IL2RB: variants seen among roughly 807,000 people sequenced by gnomAD.
IL2RB encodes the protein interleukin-2 receptor subunit beta.
IL2RB carries 17 observed loss-of-function variants against 44.2 expected under a neutral mutation model. The observed-to-expected ratio is 0.38, with a 90% CI of 0.26 to 0.58. The LOEUF (loss-of-function observed/expected upper bound fraction) is 0.58, where lower values mean the gene tolerates loss of function less well. Among genes scored for constraint, IL2RB ranks in the 20% least tolerant of loss-of-function variants. The pLI, the probability that IL2RB is intolerant of heterozygous loss-of-function variation, is 0.63. For missense variants in IL2RB, 624 were observed against 685.5 expected (o/e 0.91, Z 1.00); for synonymous variants, 286 against 297.9 (o/e 0.96, Z 0.41).
At chr22:37,157,895 G>T (rs1441938401) in intron 1 of IL2RB, among the ~76,000 whole-genome samples, 1 of 152,228 alleles carries the variant, frequency 6.6e-6, no homozygotes, top group Non-Finnish European at 1.5e-5. Flanking sequence ...AATCAAAAGT[G>T]CTAAGTCCCT....
upstream of IL2RB, among the ~76,000 whole-genome samples, chr22:37,153,287 A>G (rs1468118928): frequency 6.6e-6 from 1 of 150,652 alleles, no homozygotes; most frequent in Non-Finnish European, 1.5e-5. Flanking sequence ...CAGCTCTGCA[A>G]ATGTGAGAAA....
chr22:37,157,061 T>C (rs1922704215), intron 1 of IL2RB, among the ~76,000 whole-genome samples: 1 of 148,954 alleles, frequency 6.7e-6, no homozygotes, highest in Non-Finnish European at 1.5e-5. Flanking sequence ...AGGACTATGG[T>C]ATACATAATT....
At chr22:37,166,767 G>C (rs13053551) in intron 1 of IL2RB, 25,367 of 152,168 alleles carry the variant, frequency 0.17, 2,809 homozygotes, top group Non-Finnish European at 0.25. Context: ...GTGAAGTCGC[G>C]GCCAGGAGCG....
intron 1 of IL2RB, among the ~76,000 whole-genome samples, chr22:37,154,953 A>C (rs1922628604): frequency 6.6e-6 from 1 of 152,114 alleles, no homozygotes. Context: ...GAGTCCCTTG[A>C]AGGACAGGCC....
Position 37,128,650 on chromosome 22 carries a change from GGAA to G in IL2RB, c.1099_1101del (p.Phe367del), listed in dbSNP as rs757359708. 5 of 1,614,168 alleles carry G rather than the reference GGAA, an allele frequency of 3.1e-6. No individual in the cohort carries two copies. The highest frequency in any genetic ancestry group is 1.1e-5 in the South Asian group (1 of 91,086). On this transcript the variant is annotated inframe_deletion, in exon 10 of 10. Transcript: ENST00000216223. This position sits in a 1 kb window ranked among gnomAD's most constrained non-coding sequence, Gnocchi z 4.5. Reference sequence around the variant, plus strand: ...TCTATCTCCAAGGCATCCGGGAGGTGGAAGAAGAAGTAACCCTGGTTGGTGAAG... The same window carrying G: ...TCTATCTCCAAGGCATCCGGGAGGTGGAAGAAGTAACCCTGGTTGGTGAAG...
Position 37,128,988 on chromosome 22 carries a change from T to C in IL2RB, c.904-140A>G. The C allele has an allele frequency of 1.9e-6, 2 of 1,052,110 alleles. No homozygotes were observed. The highest frequency in any genetic ancestry group is 2.7e-6 in the Non-Finnish European group (2 of 750,090). 65.2% of individuals were successfully genotyped at this position (1,052,110 alleles called of 1,614,324 possible). ...GCTGCCCCATCCAGGAAGCTCTCCC[T>C]GATTATAGCCCCGCACTCCCCCAAC... On this transcript the variant is annotated intron_variant, in intron 9 of 9. Transcript: ENST00000216223. This position sits in a 1 kb window ranked among gnomAD's most constrained non-coding sequence, Gnocchi z 4.5.
intron 1 of IL2RB, 47 bp downstream of exon 1, chr22:37,149,778 C>T: frequency 2.2e-6 from 2 of 903,458 alleles, no homozygotes; most frequent in Non-Finnish European, 2.6e-6. Context: ...CACTCCCAGC[C>T]CTCTGGCTGG....
At chr22:37,162,742 T>C (rs1922924059) in intron 1 of IL2RB, among the ~76,000 whole-genome samples, 1 of 151,838 alleles carries the variant, frequency 6.6e-6, no homozygotes, top group Non-Finnish European at 1.5e-5. Flanking sequence ...CTACCCCAGA[T>C]CAGAGATCCT....
intron 1 of IL2RB, among the ~76,000 whole-genome samples, chr22:37,170,718 A>G (rs573937103): frequency 6.6e-6 from 1 of 152,252 alleles, no homozygotes; most frequent in South Asian, 2.1e-4. Flanking sequence ...GGCCACACAC[A>G]CTTCCCTCAG....
intron 2 of IL2RB, 115 bp from the exon 3 acceptor site, chr22:37,143,750 T>A: frequency 1.3e-6 from 1 of 767,782 alleles, no homozygotes; most frequent in South Asian, 1.6e-5. Flanking sequence ...GGTGGGTAAC[T>A]CTGGCAAGCG....
intron 5 of IL2RB, 108 bp downstream of exon 5, chr22:37,139,009 G>T (rs1398880940): frequency 1.4e-6 from 1 of 717,702 alleles, no homozygotes. Context: ...TCAGATGTGG[G>T]TGTGGAAGCT....
intron 1 of IL2RB, among the ~76,000 whole-genome samples, chr22:37,161,214 A>G (rs1230453054): frequency 6.6e-6 from 1 of 152,188 alleles, no homozygotes; most frequent in Non-Finnish European, 1.5e-5. Context: ...TTAAACATGC[A>G]ACAAAACTCC....
At position 37,139,346 on chromosome 22, in the gene IL2RB, C is replaced by T. The variant is rs1921856329; in HGVS notation, c.283-124G>A. 4.6e-6 allele frequency: 3 copies of T among 648,864 alleles called. No homozygotes were observed. In the East Asian group the frequency reaches 8.3e-5, roughly 18 times the overall value. 40.2% of individuals were successfully genotyped at this position (648,864 alleles called of 1,614,324 possible). On this transcript the variant is annotated intron_variant, in intron 4 of 9. Coordinates refer to ENST00000216223, the MANE Select transcript of IL2RB (RefSeq NM_000878.5). ...CATGCCCCGCCACCCAAGGCAGGGG[C>T]AGCAAATGTTTTCTGTAAAAGGCCA...
chr22:37,168,313 G>A (rs566962731), intron 1 of IL2RB, among the ~76,000 whole-genome samples: 14 of 152,276 alleles, frequency 9.2e-5, no homozygotes, highest in South Asian at 2.1e-4. Flanking sequence ...GGCATAGAGC[G>A]TGCCCAGTTT....
chr22:37,143,984 C>T, intron 2 of IL2RB, 101 bp downstream of exon 2: 1 of 1,512,910 alleles, frequency 6.6e-7, no homozygotes, highest in Admixed American at 2.0e-5. Context: ...GAGGTGGACA[C>T]CTGGTCTCTG....
Position 37,139,119 on chromosome 22 carries a change from T to A in IL2RB, c.386A>T (p.Asn129Ile). 1 of 1,606,502 alleles carries A rather than the reference T, an allele frequency of 6.2e-7. No homozygotes were observed. Among genetic ancestry groups the A allele is most frequent in the South Asian group, 1.1e-5 (1 of 90,922 alleles). The change falls in exon 5 of 10, where the codon AAC becomes ATC. Residue 129 changes from asparagine to isoleucine, a missense_variant and splice_region_variant. Asn to Ile is a moderately radical substitution (Grantham distance 149). This residue lies in a region of IL2RB where 255 missense variants were observed against 339.9 expected (regional missense o/e 0.75). Coordinates refer to ENST00000216223, the MANE Select transcript of IL2RB (RefSeq NM_000878.5). ...CCCACCCTGGCTTCCTCACTCACGGTTCTCAAAGGGCTTGAAGTCCTGGAT... is the reference window on the plus strand; with the variant it reads ...CCCACCCTGGCTTCCTCACTCACGGATCTCAAAGGGCTTGAAGTCCTGGAT... ...MAIQDFKPFE[N>I]LRLMAPISLQ...
chr22:37,149,761 T>C, intron 1 of IL2RB, 64 bp downstream of exon 1: 1 of 773,258 alleles, frequency 1.3e-6, no homozygotes, highest in Non-Finnish European at 1.6e-6. Context: ...GTCTTCTCTG[T>C]GACTTTCACT....
rs1922708105 is a variant in IL2RB, at chr22:37,157,152, C to G, written c.-33-12947G>C. On this transcript the variant is annotated intron_variant, in intron 1 of 5. Coordinates refer to the IL2RB transcript ENST00000429622. ...AATGAGGATCACAAAGCTGCAGGGGCCCACAGAGGGGCCAGAGCAGAACAA... is the reference window on the plus strand; with the variant it reads ...AATGAGGATCACAAAGCTGCAGGGGGCCACAGAGGGGCCAGAGCAGAACAA... Among the ~76,000 whole-genome samples, 3 of 152,150 alleles carry G rather than the reference C, an allele frequency of 2.0e-5. 1 individual carries two copies. In the South Asian group the frequency reaches 6.2e-4, roughly 32 times the overall value.
At chr22:37,171,791 T>C (rs1014548357) in intron 1 of IL2RB, among the ~76,000 whole-genome samples, 6 of 152,218 alleles carry the variant, frequency 3.9e-5, no homozygotes, top group African/African-American at 1.4e-4. Context: ...GATGCAGTTG[T>C]ACAGAATAGA....
Sources: allele counts gnomAD v4.1 joint callset (sites outside exome capture counted in the v4.1 genomes callset), GRCh38; gene constraint gnomAD v4.1.1; regional missense constraint gnomAD v4.1.1; non-coding constraint Gnocchi (gnomAD v3.1); transcripts MANE v1.5; gene names NCBI Gene and HGNC (gene_info 2026-07-23, HGNC 2026-07-21).